Variants in FILIP1 observed in about 807,000 individuals in gnomAD.
FILIP1 encodes the protein filamin-A-interacting protein 1.
A neutral mutation model predicts 102.1 loss-of-function variants in FILIP1; 61 were observed. That is an observed-to-expected ratio of 0.60 (90% CI 0.49 to 0.74). FILIP1 has a LOEUF of 0.74. FILIP1 is among the 30% of genes least tolerant of loss of function. The probability of loss-of-function intolerance (pLI) is 0.00; values close to 1 mark genes in which losing one functional copy is unlikely to be tolerated. For synonymous variants in FILIP1, 491 were observed against 526.9 expected (o/e 0.93, Z 0.93); for missense variants, 1,314 against 1,441.2 (o/e 0.91, Z 1.43).
intron 4 of FILIP1, among the ~76,000 whole-genome samples, chr6:75,324,514 C>A (rs959222720): frequency 6.6e-6 from 1 of 152,104 alleles, no homozygotes; most frequent in African/African-American, 2.4e-5. Context: ...ACCATACTGC[C>A]AAAGGCACTC....
Position 75,314,019 on chromosome 6 carries a change from C to T in FILIP1, c.1813G>A (p.Glu605Lys), listed in dbSNP as rs369652452. Residue 605 changes from glutamate to lysine, a missense_variant, in exon 5 of 6, where the codon GAA (glutamate) becomes AAA (lysine). Glu to Lys is a moderately conservative substitution (Grantham distance 56). Around this residue, in one of 3 missense-constraint regions of FILIP1, gnomAD observed 816 missense variants for 913.1 expected, o/e 0.89. Transcript: ENST00000237172. ...LLKKRLDGIE[E>K]VEREITRGRS... ...CCTCTTGTTATTTCTCTTTCCACTT[C>T]CTCTATACCATCAAGTCTCTTCTTT... 30 of 1,542,326 alleles carry T rather than the reference C, an allele frequency of 1.9e-5. 1 individual carries two copies. In the African/African-American group the frequency reaches 3.3e-4, roughly 17 times the overall value.
At chr6:75,457,390 G>C (rs919250612) in intron 1 of FILIP1, among the ~76,000 whole-genome samples, 1 of 152,204 alleles carries the variant, frequency 6.6e-6, no homozygotes, top group Non-Finnish European at 1.5e-5. Context: ...GAAAGGAGGA[G>C]TGAACTACCT....
chr6:75,444,316 T>G (rs1233310695), intron 1 of FILIP1, among the ~76,000 whole-genome samples: 1 of 152,212 alleles, frequency 6.6e-6, no homozygotes, highest in Non-Finnish European at 1.5e-5. Flanking sequence ...CTATCAATAT[T>G]TGATTCGTAG....
chr6:75,414,716 A>C lies in FILIP1; in HGVS notation c.257T>G (p.Ile86Arg). 6 of 1,613,632 alleles carry C rather than the reference A, an allele frequency of 3.7e-6. No individual in the cohort carries two copies. The highest frequency in any genetic ancestry group is 5.1e-6 in the Non-Finnish European group (6 of 1,179,694). ...CTCTACCTGCAACTCCCCTTCCATT[A>C]TACTGAGTAGTTGGATGAGGTCTTC... ...SKEDLIQLLSIMEGELQARED... is the reference protein window; with the variant it reads ...SKEDLIQLLSRMEGELQARED... The change falls in exon 2 of 6, where the codon ATA becomes AGA. Residue 86 changes from isoleucine to arginine, a missense_variant. Coordinates refer to ENST00000237172, the MANE Select transcript of FILIP1 (RefSeq NM_015687.5).
In FILIP1 at chr6:75,313,419, C is replaced by T. The variant is rs545378552; in HGVS notation, c.2413G>A (p.Val805Ile). ...MVDVPVTSTGVQTDAVSGEAA... is the reference protein window; with the variant it reads ...MVDVPVTSTGIQTDAVSGEAA... ...TCACCGCTGACTGCATCAGTTTGGA[C>T]TCCAGTTGACGTCACAGGAACATCC... Residue 805 changes from valine to isoleucine, a missense_variant, in exon 5 of 6, where the codon GTC becomes ATC. Physicochemically the swap from Val to Ile is conservative, Grantham distance 29 (BLOSUM62 3). Around this residue, in one of 3 missense-constraint regions of FILIP1, gnomAD observed 816 missense variants for 913.1 expected, o/e 0.89. Coordinates refer to ENST00000237172, the MANE Select transcript of FILIP1 (RefSeq NM_015687.5). The surrounding 1 kb of genome is among the most constrained non-coding windows in gnomAD (Gnocchi z 4.2). The T allele has an allele frequency of 3.3e-4, 537 of 1,614,226 alleles. 6 individuals are homozygous for T. The South Asian group carries it at 5.7e-3, about 17-fold the overall frequency.
chr6:75,377,287 A>G (rs748676434), intron 2 of FILIP1, among the ~76,000 whole-genome samples: 1 of 152,226 alleles, frequency 6.6e-6, no homozygotes, highest in Non-Finnish European at 1.5e-5. Context: ...TGATTTGTTA[A>G]CTGCTTTTCA....
At position 75,315,138 on chromosome 6, in the gene FILIP1, G is replaced by C. The variant is rs200258569; in HGVS notation, c.694C>G (p.Arg232Gly). ...QARKEKENAKRLNKLRDELVK... is the reference protein window; with the variant it reads ...QARKEKENAKGLNKLRDELVK... Reference sequence around the variant, plus strand: ...AGCTCATCTCTTAGTTTATTGAGTCGTTTAGCATTTTCCTTTTCTTTGCGG... The same window carrying C: ...AGCTCATCTCTTAGTTTATTGAGTCCTTTAGCATTTTCCTTTTCTTTGCGG... Residue 232 changes from arginine to glycine, a missense_variant, in exon 5 of 6, where the codon CGA (arginine) becomes GGA (glycine). Coordinates refer to ENST00000237172, the MANE Select transcript of FILIP1 (RefSeq NM_015687.5). 1 of 1,599,082 alleles carries C rather than the reference G, an allele frequency of 6.3e-7. No individual in the cohort carries two copies. Among genetic ancestry groups the C allele is most frequent in the Non-Finnish European group, 8.5e-7 (1 of 1,175,908 alleles).
chr6:75,436,139 G>A (rs12332878), intron 1 of FILIP1, among the ~76,000 whole-genome samples: 3,596 of 152,132 alleles, frequency 0.024, 164 homozygotes, highest in African/African-American at 0.08. Flanking sequence ...TTGGGAGGCC[G>A]AGGCAGGCAG....
chr6:75,439,360 C>G (rs1356399646), intron 1 of FILIP1, among the ~76,000 whole-genome samples: 1 of 92,746 alleles, frequency 1.1e-5, no homozygotes, highest in Non-Finnish European at 2.2e-5. Context: ...GAGCGAGACT[C>G]CGTCCAAAAA....
intron 4 of FILIP1, among the ~76,000 whole-genome samples, chr6:75,331,483 G>C (rs1774079464): frequency 6.6e-6 from 1 of 152,114 alleles, no homozygotes; most frequent in Non-Finnish European, 1.5e-5. Flanking sequence ...TTAGGGGATA[G>C]GAATAAAAAT....
chr6:75,391,498 G>C (rs142991691), intron 2 of FILIP1, among the ~76,000 whole-genome samples: 1 of 151,880 alleles, frequency 6.6e-6, no homozygotes, highest in Non-Finnish European at 1.5e-5. Context: ...GAAACAATTT[G>C]GGAAGAATTT....
At chr6:75,334,296 T>C (rs1410794940) in intron 4 of FILIP1, among the ~76,000 whole-genome samples, 2 of 152,094 alleles carry the variant, frequency 1.3e-5, no homozygotes, top group Non-Finnish European at 2.9e-5. Flanking sequence ...TCCCCCACCA[T>C]AGAAAACCAG....
intron 1 of FILIP1, among the ~76,000 whole-genome samples, chr6:75,446,885 C>A: frequency 6.6e-6 from 1 of 152,112 alleles, no homozygotes; most frequent in East Asian, 1.9e-4. Context: ...GCTAATTGAG[C>A]CAGTTGCTTC....
intron 2 of FILIP1, among the ~76,000 whole-genome samples, chr6:75,387,948 G>A (rs1159289367): frequency 1.3e-5 from 2 of 152,104 alleles, no homozygotes; most frequent in East Asian, 3.9e-4. Context: ...TAGTCATGAA[G>A]TCTTTGCCCA....
Position 75,308,469 on chromosome 6 carries a change from G to T in FILIP1, c.*222C>A. On this transcript the variant is annotated 3_prime_UTR_variant, in exon 6 of 6. Coordinates refer to ENST00000237172, the MANE Select transcript of FILIP1 (RefSeq NM_015687.5). ...AAGCAAAACTGGAACTAGAAACCAC[G>T]CCCTGGCTTCTAGGCAGCAAGCAAT... is the stretch of plus-strand genomic sequence containing the variant. 7.3e-7 allele frequency: 1 copy of T among 1,364,096 alleles called. No homozygotes were observed. Among genetic ancestry groups the T allele is most frequent in the Non-Finnish European group, 9.5e-7 (1 of 1,056,444 alleles). 84.5% of individuals were successfully genotyped at this position (1,364,096 alleles called of 1,614,324 possible). A position where few individuals can be genotyped will look rare whatever the true frequency, so the allele number is the denominator to read the frequency against.
intron 1 of FILIP1, among the ~76,000 whole-genome samples, chr6:75,434,761 G>T (rs1397915037): frequency 1.3e-5 from 2 of 152,178 alleles, no homozygotes; most frequent in African/African-American, 4.8e-5. Context: ...TCCCTGTCTT[G>T]TGCCAGTTTT....
chr6:75,414,501 C>T (rs1203557274), intron 2 of FILIP1, among the ~76,000 whole-genome samples, 196 bp downstream of exon 2: 1 of 152,108 alleles, frequency 6.6e-6, no homozygotes, highest in Non-Finnish European at 1.5e-5. Flanking sequence ...GGAATCAGCA[C>T]TTTTTCATTT....
intron 4 of FILIP1, chr6:75,319,144 C>A: frequency 1.4e-6 from 1 of 723,754 alleles, no homozygotes; most frequent in Non-Finnish European, 2.5e-6. Flanking sequence ...CTTGACAATT[C>A]CCTTTTATGC....
chr6:75,421,652 C>T (rs115635095), intron 1 of FILIP1, among the ~76,000 whole-genome samples: 206 of 152,274 alleles, frequency 1.4e-3, no homozygotes, highest in African/African-American at 4.8e-3. Flanking sequence ...GCTAAACTCC[C>T]GTAGCACATC....
Sources: gnomAD v4.1 joint callset for allele counts (sites outside exome capture counted in the v4.1 genomes callset) on GRCh38, gnomAD v4.1.1 for gene constraint, gnomAD v4.1.1 regional missense constraint, Gnocchi (gnomAD v3.1) non-coding constraint, MANE v1.5 for transcripts, NCBI Gene and HGNC (gene_info 2026-07-23, HGNC 2026-07-21) for gene names.